CTNNA3: variants seen among roughly 807,000 people sequenced by gnomAD.
CTNNA3 encodes catenin alpha 3, also known as catenin alpha-3.
In CTNNA3, 76 loss-of-function variants were observed where a neutral mutation model predicts 95.7. The ratio of observed to expected loss-of-function variants is 0.79; its 90% CI spans 0.66 to 0.96. The LOEUF (loss-of-function observed/expected upper bound fraction) is 0.96, where lower values mean the gene tolerates loss of function less well. Ranked by LOEUF, CTNNA3 falls within the 40% of genes least tolerant of loss-of-function variation. The pLI, the probability that CTNNA3 is intolerant of heterozygous loss-of-function variation, is 0.00. For synonymous variants in CTNNA3, 431 were observed against 374.4 expected, an observed-to-expected ratio of 1.15 and a Z score of -1.74; for missense variants, 1,191 against 1,089.8, an observed-to-expected ratio of 1.09 and a Z score of -1.31.
At chr10:67,543,139 CTTCT>C (rs1189984910) in intron 3 of CTNNA3, among the ~76,000 whole-genome samples, 1 of 151,970 alleles carries the variant, frequency 6.6e-6, no homozygotes, top group Non-Finnish European at 1.5e-5. Flanking sequence ...GTTTAGAAAA[CTTCT>C]TTCTACTGAG....
At chr10:67,394,348 C>A (rs1844639702) in intron 5 of CTNNA3, among the ~76,000 whole-genome samples, 1 of 149,030 alleles carries the variant, frequency 6.7e-6, no homozygotes, top group South Asian at 2.1e-4. Flanking sequence ...GGGAAGTGGG[C>A]AATGCTGTAA....
intron 13 of CTNNA3, among the ~76,000 whole-genome samples, chr10:66,235,319 A>G (rs1015913137): frequency 6.6e-6 from 1 of 151,862 alleles, no homozygotes; most frequent in Non-Finnish European, 1.5e-5. Context: ...TTTAGTTTTT[A>G]AAGGTATTAT....
chr10:66,078,130 CAG>C (rs2080612186), intron 14 of CTNNA3, among the ~76,000 whole-genome samples: 1 of 151,884 alleles, frequency 6.6e-6, no homozygotes, highest in Admixed American at 6.6e-5. Flanking sequence ...CATTTTTAGA[CAG>C]AGGTAGTTAT....
At chr10:66,050,424 AT>A (rs200349556) in intron 15 of CTNNA3, among the ~76,000 whole-genome samples, 10,400 of 145,696 alleles carry the variant, frequency 0.071, 521 homozygotes, top group African/African-American at 0.15. Flanking sequence ...ATCCTCATGC[AT>A]TTTTTTTTTT....
rs2092927960 is a variant in CTNNA3, at chr10:66,390,783, T to C, written c.1532-11431A>G. 2.0e-5 allele frequency among the ~76,000 whole-genome samples: 3 copies of C among 152,132 alleles called. No individual in the cohort carries two copies. In the South Asian group the frequency reaches 6.2e-4, roughly 31 times the overall value. ...TCAGGAGTTTGACTATGATGATTGG[T>C]TTCCAAATTAAATAATATCCCACAG... On this transcript the variant is annotated intron_variant, in intron 11 of 17. Transcript: ENST00000433211.
intron 5 of CTNNA3, among the ~76,000 whole-genome samples, chr10:67,505,256 G>C (rs1839396291): frequency 6.6e-6 from 1 of 152,152 alleles, no homozygotes; most frequent in Admixed American, 6.5e-5. Flanking sequence ...CCCATATTTA[G>C]TTTCTCTAAA....
chr10:67,439,009 A>C (rs757255061), intron 5 of CTNNA3, among the ~76,000 whole-genome samples: 1 of 152,082 alleles, frequency 6.6e-6, no homozygotes, highest in Non-Finnish European at 1.5e-5. Context: ...AATTCCTCCT[A>C]CTGCTGAGCT....
At chr10:67,550,595 G>T (rs934372483) in intron 3 of CTNNA3, among the ~76,000 whole-genome samples, 1 of 149,176 alleles carries the variant, frequency 6.7e-6, no homozygotes, top group Non-Finnish European at 1.5e-5. Flanking sequence ...TTTTTTTAAA[G>T]AATAAATTAT....
At chr10:67,640,130 T>C (rs1188378288) in intron 2 of CTNNA3, among the ~76,000 whole-genome samples, 2 of 152,192 alleles carry the variant, frequency 1.3e-5, no homozygotes, top group East Asian at 3.9e-4. Context: ...AAAATATCCT[T>C]AAGCTCATAA....
At chr10:66,446,776 G>A (rs1260390692) in intron 11 of CTNNA3, among the ~76,000 whole-genome samples, 1 of 152,070 alleles carries the variant, frequency 6.6e-6, no homozygotes, top group Non-Finnish European at 1.5e-5. Flanking sequence ...AGACAGGGAT[G>A]CCCTCTCTCA....
intron 14 of CTNNA3, among the ~76,000 whole-genome samples, chr10:66,082,260 A>G (rs2080795202): frequency 2.0e-5 from 3 of 152,054 alleles, no homozygotes; most frequent in Admixed American, 2.0e-4. Flanking sequence ...CAGAAATAAG[A>G]TCTATTAATA....
intron 10 of CTNNA3, among the ~76,000 whole-genome samples, chr10:66,612,653 A>C (rs1844367774): frequency 6.6e-6 from 1 of 152,124 alleles, no homozygotes; most frequent in South Asian, 2.1e-4. Flanking sequence ...ACTGTATCAC[A>C]CAACAAATAA....
intron 5 of CTNNA3, among the ~76,000 whole-genome samples, chr10:67,239,693 TAA>T (rs764027126): frequency 6.6e-6 from 1 of 152,072 alleles, no homozygotes; most frequent in Non-Finnish European, 1.5e-5. Context: ...AAACAAAAAG[TAA>T]AGCCAATATC....
chr10:67,529,000 T>C (rs913039817), intron 4 of CTNNA3, among the ~76,000 whole-genome samples: 2 of 152,144 alleles, frequency 1.3e-5, no homozygotes, highest in Non-Finnish European at 2.9e-5. Flanking sequence ...ACATGAAAAT[T>C]GCTAGAGTAA....
chr10:66,447,721 T>C (rs749417551), intron 11 of CTNNA3, among the ~76,000 whole-genome samples: 9 of 151,860 alleles, frequency 5.9e-5, no homozygotes, highest in African/African-American at 1.9e-4. Flanking sequence ...ACCATAAAAA[T>C]CCTAGAAGAA....
chr10:66,607,330 C>T (rs537759920), intron 10 of CTNNA3, among the ~76,000 whole-genome samples: 9 of 151,830 alleles, frequency 5.9e-5, no homozygotes, highest in East Asian at 1.9e-4. Context: ...GATGGATTAA[C>T]GACCTCATTT....
chr10:66,437,987 G>C (rs1303750554), intron 11 of CTNNA3, among the ~76,000 whole-genome samples: 2 of 152,154 alleles, frequency 1.3e-5, no homozygotes, highest in Non-Finnish European at 2.9e-5. Context: ...GTTTGCTGGA[G>C]GTCCACTCCA....
intron 13 of CTNNA3, among the ~76,000 whole-genome samples, chr10:66,279,605 C>T (rs886658642): frequency 6.6e-6 from 1 of 151,868 alleles, no homozygotes. Flanking sequence ...GCAGTACTAC[C>T]CAGAGTTTAA....
intron 16 of CTNNA3, among the ~76,000 whole-genome samples, chr10:65,986,278 A>G (rs2078425553): frequency 6.7e-6 from 1 of 149,872 alleles, no homozygotes; most frequent in Non-Finnish European, 1.5e-5. Flanking sequence ...CACAAAAATG[A>G]AAAATAAAAA....
Sources: gnomAD v4.1 joint callset for allele counts (sites outside exome capture counted in the v4.1 genomes callset) on GRCh38, gnomAD v4.1.1 for gene constraint, MANE v1.5 for transcripts, NCBI Gene and HGNC (gene_info 2026-07-23, HGNC 2026-07-21) for gene names.